ANKFN1: variants seen among roughly 807,000 people sequenced by gnomAD.
ANKFN1 encodes the protein ankyrin repeat and fibronectin type III domain containing 1, also known as ankyrin repeat and fibronectin type-III domain-containing protein 1.
In ANKFN1, 74 loss-of-function variants were observed where a neutral mutation model predicts 108.7. The observed-to-expected ratio is 0.68, with a 90% CI of 0.56 to 0.83. ANKFN1 has a LOEUF of 0.83. ANKFN1 is among the 40% of genes least tolerant of loss of function. ANKFN1 has a pLI of 0.00. For missense variants in ANKFN1, 1,505 were observed against 1,382.3 expected (o/e 1.09, Z -1.41); for synonymous variants, 547 against 516.2 (o/e 1.06, Z -0.81).
chr17:56,252,747 C>G (rs1045369244), intron 3 of ANKFN1, among the ~76,000 whole-genome samples: 4 of 149,136 alleles, frequency 2.7e-5, no homozygotes, highest in Non-Finnish European at 4.4e-5. Flanking sequence ...AAAATACTTA[C>G]AGTATAATAA....
At chr17:56,077,334 T>C (rs1905192713) in intron 4 of ANKFN1, among the ~76,000 whole-genome samples, 1 of 152,168 alleles carries the variant, frequency 6.6e-6, no homozygotes. Context: ...TAAAGAACCT[T>C]GGGTTGCAGG....
chr17:56,368,115 G>T, intron 6 of ANKFN1: 1 of 1,199,268 alleles, frequency 8.3e-7, no homozygotes, highest in South Asian at 1.7e-5. Context: ...AGATGTTAGT[G>T]ACAATGAGCC....
At chr17:56,049,743 A>G (rs886065407) in intron 4 of ANKFN1, among the ~76,000 whole-genome samples, 5 of 148,254 alleles carry the variant, frequency 3.4e-5, no homozygotes, top group Non-Finnish European at 7.4e-5. Context: ...ATGGCTGCAT[A>G]GTATTCCATG....
At chr17:56,509,633 AATAATGGATACTGG>A (rs2051679134) in intron 20 of ANKFN1, among the ~76,000 whole-genome samples, 2 of 152,344 alleles carry the variant, frequency 1.3e-5, no homozygotes, top group South Asian at 2.1e-4. Flanking sequence ...CTAAACAAAC[AATAATGGATACTGG>A]ATAATGGATA....
At chr17:56,163,056 A>G (rs1909817488) in intron 1 of ANKFN1, among the ~76,000 whole-genome samples, 1 of 141,964 alleles carries the variant, frequency 7.0e-6, no homozygotes, top group Non-Finnish European at 1.5e-5. Flanking sequence ...AGAAAAAAAG[A>G]AAAAAAAAAG....
intron 6 of ANKFN1, among the ~76,000 whole-genome samples, chr17:56,357,549 G>A (rs1278919686): frequency 6.6e-6 from 1 of 152,188 alleles, no homozygotes; most frequent in Non-Finnish European, 1.5e-5. Flanking sequence ...GTCATATGAT[G>A]TATTTCTTTG....
chr17:56,297,951 C>T (rs1026648074), intron 3 of ANKFN1, among the ~76,000 whole-genome samples: 12 of 152,222 alleles, frequency 7.9e-5, no homozygotes, highest in Admixed American at 4.6e-4. Context: ...GGGGGAAATG[C>T]TCCTACGGCA....
chr17:56,170,799 T>TACACACACACAC (rs1325475648), intron 1 of ANKFN1, among the ~76,000 whole-genome samples: 2 of 62,846 alleles, frequency 3.2e-5, no homozygotes, highest in African/African-American at 4.7e-5. Context: ...TATATATATA[T>TACACACACACAC]ATATATATAC....
At chr17:56,293,873 C>G (rs1353550628) in intron 3 of ANKFN1, among the ~76,000 whole-genome samples, 2 of 152,166 alleles carry the variant, frequency 1.3e-5, no homozygotes, top group Admixed American at 6.5e-5. Flanking sequence ...GCACCTCTGT[C>G]CCTTCTCCAG....
chr17:56,278,896 G>A (rs1381858565), intron 3 of ANKFN1, among the ~76,000 whole-genome samples: 1 of 152,180 alleles, frequency 6.6e-6, no homozygotes, highest in Non-Finnish European at 1.5e-5. Context: ...TTTGAAAGAT[G>A]TACAACATGA....
At chr17:56,458,843 AG>A (rs1459127249) in intron 14 of ANKFN1, among the ~76,000 whole-genome samples, 1 of 152,202 alleles carries the variant, frequency 6.6e-6, no homozygotes, top group African/African-American at 2.4e-5. Context: ...CAGGCCATGT[AG>A]GTCACAGCAT....
chr17:56,510,095 G>A (rs1332479818), intron 20 of ANKFN1, among the ~76,000 whole-genome samples: 1 of 152,116 alleles, frequency 6.6e-6, no homozygotes, highest in African/African-American at 2.4e-5. Context: ...GAAATAATAG[G>A]GAATGAAGAA....
chr17:56,090,752 A>C (rs1905399329), intron 4 of ANKFN1, among the ~76,000 whole-genome samples: 1 of 150,766 alleles, frequency 6.6e-6, no homozygotes, highest in African/African-American at 2.4e-5. Flanking sequence ...AACTACAGGC[A>C]CGCACCTCCA....
chr17:56,109,786 A>G (rs1905854496), intron 4 of ANKFN1, among the ~76,000 whole-genome samples: 1 of 152,246 alleles, frequency 6.6e-6, no homozygotes, highest in African/African-American at 2.4e-5. Flanking sequence ...ATAAACAACC[A>G]TCTAAGGCTG....
At chr17:56,135,472 A>C (rs1376695788) in intron 4 of ANKFN1, among the ~76,000 whole-genome samples, 1 of 152,196 alleles carries the variant, frequency 6.6e-6, no homozygotes, top group Non-Finnish European at 1.5e-5. Context: ...TTTTAACAAC[A>C]TCATGGTGCT....
At chr17:56,204,488 C>T (rs1914347299) in intron 1 of ANKFN1, among the ~76,000 whole-genome samples, 7 of 151,584 alleles carry the variant, frequency 4.6e-5, no homozygotes, top group Non-Finnish European at 1.0e-4. Context: ...TTACAGGCGC[C>T]CACTACCACG....
chr17:56,173,141 C>T (rs1910832294), intron 1 of ANKFN1, among the ~76,000 whole-genome samples: 1 of 152,192 alleles, frequency 6.6e-6, no homozygotes, highest in Non-Finnish European at 1.5e-5. Context: ...AGAATGATGT[C>T]CTCAAATGTC....
At chr17:56,049,638 A>C (rs369251530) in intron 4 of ANKFN1, among the ~76,000 whole-genome samples, 20 of 150,350 alleles carry the variant, frequency 1.3e-4, no homozygotes, top group Non-Finnish European at 2.7e-4. Context: ...GAGAATATGC[A>C]GTGTTTGGTT....
intron 4 of ANKFN1, among the ~76,000 whole-genome samples, chr17:56,046,952 G>T (rs1272105974): frequency 4.6e-5 from 7 of 152,090 alleles, no homozygotes; most frequent in African/African-American, 1.7e-4. Flanking sequence ...CACCTGTTTT[G>T]AACTATGGGA....
Sources: gnomAD v4.1 joint callset for allele counts (sites outside exome capture counted in the v4.1 genomes callset) on GRCh38, gnomAD v4.1.1 for gene constraint, MANE v1.5 for transcripts, NCBI Gene and HGNC (gene_info 2026-07-23, HGNC 2026-07-21) for gene names.